The following ANKS6 variants were observed in gnomAD, a reference collection of about 807,000 sequenced individuals.
ANKS6 encodes ankyrin repeat and SAM domain-containing protein 6.
Under a neutral mutation model 77.9 loss-of-function variants are expected in ANKS6, and 47 were observed. The observed-to-expected ratio is 0.60, with a 90% confidence interval of 0.48 to 0.77. ANKS6 has a LOEUF of 0.77. Among genes scored for constraint, ANKS6 ranks in the 30% least tolerant of loss-of-function variants. The pLI, the probability that ANKS6 is intolerant of heterozygous loss-of-function variation, is 0.00. For synonymous variants in ANKS6, 488 were observed against 501.7 expected (o/e 0.97, Z 0.37); for missense variants, 1,150 against 1,159.1 (o/e 0.99, Z 0.11).
At chr9:98,792,421 ATT>A (rs1465145897) in intron 1 of ANKS6, among the ~76,000 whole-genome samples, 1 of 152,086 alleles carries the variant, frequency 6.6e-6, no homozygotes, top group Non-Finnish European at 1.5e-5. Flanking sequence ...TTCCACGCAT[ATT>A]GTTTCCCCAG....
chr9:98,781,233 G>A (rs1021044610), intron 5 of ANKS6, among the ~76,000 whole-genome samples: 1 of 152,120 alleles, frequency 6.6e-6, no homozygotes, highest in Admixed American at 6.5e-5. Flanking sequence ...TTCAATAATA[G>A]GCATGAGTTT....
chr9:98,786,293 G>GTTT lies in ANKS6; in HGVS notation c.863-1420_863-1418dup, dbSNP rs376048676. ...CGCTCCAGGCCGGAACTCCAGAATT[G>GTTT]TTTTTTTTTTTTTTTTGAGATGGAG... On this transcript the variant is annotated intron_variant, in intron 2 of 14. Transcript: ENST00000353234. Among the ~76,000 whole-genome samples the GTTT allele has an allele frequency of 2.0e-4, 26 of 129,706 alleles. 1 individual carries two copies. The highest frequency in any genetic ancestry group is 5.9e-4 in the African/African-American group (21 of 35,336). 85.1% of individuals were successfully genotyped at this position (129,706 alleles called of 152,430 possible).
intron 14 of ANKS6, among the ~76,000 whole-genome samples, chr9:98,738,581 T>A (rs337582): frequency 0.79 from 117,613 of 148,092 alleles, 46,941 homozygotes; most frequent in African/African-American, 0.93. Context: ...AAAAATAAAA[T>A]AAAAAAAAAA....
Position 98,736,323 on chromosome 9 carries a change from T to C in ANKS6, c.*196A>G. The C allele has an allele frequency of 7.1e-7, 1 of 1,409,832 alleles. No individual in the cohort carries two copies. The highest frequency in any genetic ancestry group is 9.2e-7 in the Non-Finnish European group (1 of 1,086,438). 87.3% of individuals were successfully genotyped at this position (1,409,832 alleles called of 1,614,324 possible). A position where few individuals can be genotyped will look rare whatever the true frequency, so the allele number is the denominator to read the frequency against. On this transcript the variant is annotated 3_prime_UTR_variant, in exon 15 of 15. Coordinates refer to ENST00000353234, the MANE Select transcript of ANKS6 (RefSeq NM_173551.5). ...CCCCCACTGGACTGTTACATGGGAATCTGTCTCTGTGTGTTGAAGTTTGTT... is the reference window on the plus strand; with the variant it reads ...CCCCCACTGGACTGTTACATGGGAACCTGTCTCTGTGTGTTGAAGTTTGTT...
At chr9:98,777,323 A>C in intron 8 of ANKS6, 82 bp downstream of exon 8, 11 of 1,475,066 alleles carry the variant, frequency 7.5e-6, no homozygotes, top group South Asian at 5.7e-5. Flanking sequence ...AAGACAGACA[A>C]ACACCTACAT....
chr9:98,769,557 A>G (rs755006400), intron 10 of ANKS6, among the ~76,000 whole-genome samples: 4 of 152,262 alleles, frequency 2.6e-5, no homozygotes, highest in Non-Finnish European at 5.9e-5. Flanking sequence ...ATATATATGT[A>G]TCAACATAAA....
intron 11 of ANKS6, among the ~76,000 whole-genome samples, chr9:98,765,133 C>T (rs1225158337): frequency 6.6e-6 from 1 of 152,172 alleles, no homozygotes; most frequent in Non-Finnish European, 1.5e-5. Context: ...TTTCTCTGCT[C>T]TTTCCATGAA....
Position 98,796,149 on chromosome 9 carries a change from G to A in ANKS6, c.343C>T (p.Leu115Phe), listed in dbSNP as rs1420588009. The change falls in exon 1 of 15, where the codon CTC becomes TTC. Residue 115 changes from leucine to phenylalanine, a missense_variant. Coordinates refer to ENST00000353234, the MANE Select transcript of ANKS6 (RefSeq NM_173551.5). ...NSRNHYGWSA[L>F]MQAARFGHVS... ...CCGCCTCACCTGGCCGCCTGCATGAGCGCGCTCCAGCCGTAGTGGTTGCGG... is the reference window on the plus strand; with the variant it reads ...CCGCCTCACCTGGCCGCCTGCATGAACGCGCTCCAGCCGTAGTGGTTGCGG... 2 of 1,394,252 alleles carry A rather than the reference G, an allele frequency of 1.4e-6. No individual in the cohort carries two copies. Among genetic ancestry groups the A allele is most frequent in the East Asian group, 3.1e-5 (1 of 32,404 alleles). The allele number at this position is 1,394,252 out of a possible 1,614,324, so 86.4% of individuals were successfully genotyped here. A position where few individuals can be genotyped will look rare whatever the true frequency, so the allele number is the denominator to read the frequency against.
At chr9:98,766,844 G>T (rs563465427) in intron 11 of ANKS6, among the ~76,000 whole-genome samples, 1 of 152,332 alleles carries the variant, frequency 6.6e-6, no homozygotes, top group African/African-American at 2.4e-5. Flanking sequence ...AAAGGTCCAT[G>T]GATGAGGGAG....
chr9:98,751,159 A>T, intron 12 of ANKS6, 63 bp from the exon 13 acceptor site: 1 of 1,291,416 alleles, frequency 7.7e-7, no homozygotes, highest in South Asian at 1.3e-5. Context: ...TGGTCTTCAA[A>T]CCTTTATAAA....
chr9:98,745,370 C>T (rs1325899001), intron 14 of ANKS6, among the ~76,000 whole-genome samples, 189 bp downstream of exon 14: 2 of 152,156 alleles, frequency 1.3e-5, no homozygotes, highest in African/African-American at 2.4e-5. Flanking sequence ...GTTACCTGAG[C>T]GAAGATTTCA....
intron 10 of ANKS6, among the ~76,000 whole-genome samples, chr9:98,769,395 T>C (rs1225186911): frequency 6.6e-6 from 1 of 152,130 alleles, no homozygotes; most frequent in African/African-American, 2.4e-5. Context: ...CAGGTGAATA[T>C]GGAGGCATGA....
At chr9:98,743,109 C>T (rs865911098) in intron 14 of ANKS6, among the ~76,000 whole-genome samples, 1 of 152,180 alleles carries the variant, frequency 6.6e-6, no homozygotes, top group African/African-American at 2.4e-5. Context: ...CAGCTCCTGG[C>T]CTGTCCTCTC....
intron 5 of ANKS6, among the ~76,000 whole-genome samples, chr9:98,780,879 A>G (rs1198635387): frequency 6.6e-6 from 1 of 152,010 alleles, no homozygotes; most frequent in Non-Finnish European, 1.5e-5. Flanking sequence ...AACTATTAAC[A>G]ATGCTTTTTC....
chr9:98,785,765 T>C (rs1462926698), intron 2 of ANKS6, among the ~76,000 whole-genome samples: 1 of 152,088 alleles, frequency 6.6e-6, no homozygotes, highest in Non-Finnish European at 1.5e-5. Context: ...ATGAGCCCTC[T>C]TGAGTAACTG....
At chr9:98,748,276 C>T (rs1832249396) in intron 13 of ANKS6, among the ~76,000 whole-genome samples, 1 of 152,220 alleles carries the variant, frequency 6.6e-6, no homozygotes, top group Admixed American at 6.5e-5. Flanking sequence ...GGATGCCAAA[C>T]CCTCAGGGCT....
At chr9:98,782,595 A>G in intron 4 of ANKS6, 22 bp from the exon 5 acceptor site, 1 of 1,595,464 alleles carries the variant, frequency 6.3e-7, no homozygotes, top group Non-Finnish European at 8.6e-7. Flanking sequence ...TGCTAGAGTT[A>G]CATTCACTGA....
intron 14 of ANKS6, among the ~76,000 whole-genome samples, chr9:98,738,352 T>C (rs1831614611): frequency 6.6e-6 from 1 of 151,968 alleles, no homozygotes; most frequent in African/African-American, 2.4e-5. Flanking sequence ...AAAGGACTAA[T>C]ATCCAGAATC....
intron 14 of ANKS6, among the ~76,000 whole-genome samples, chr9:98,745,115 GACGGCT>G (rs1832048509): frequency 3.9e-5 from 6 of 152,234 alleles, no homozygotes; most frequent in Admixed American, 3.3e-4. Context: ...AATAGTGACT[GACGGCT>G]CTCTGTGTGC....
Sources: gnomAD v4.1 joint callset for allele counts (sites outside exome capture counted in the v4.1 genomes callset) on GRCh38, gnomAD v4.1.1 for gene constraint, MANE v1.5 for transcripts, NCBI Gene and HGNC (gene_info 2026-07-23, HGNC 2026-07-21) for gene names.